The following UFSP2 variants were observed in gnomAD, a reference collection of about 807,000 sequenced individuals.
UFSP2 encodes the protein ufm1-specific protease 2.
UFSP2 carries 43 observed loss-of-function variants against 60.2 expected under a neutral mutation model. The ratio of observed to expected loss-of-function variants is 0.71; its 90% CI spans 0.56 to 0.92. UFSP2 has a LOEUF of 0.92. Ranked by LOEUF, UFSP2 falls within the 40% of genes least tolerant of loss-of-function variation. UFSP2 has a pLI of 0.00. For missense variants in UFSP2, 520 were observed against 575.0 expected, an observed-to-expected ratio of 0.90 and a Z score of 0.98; for synonymous variants, 183 against 195.1, an observed-to-expected ratio of 0.94 and a Z score of 0.52.
intron 11 of UFSP2, among the ~76,000 whole-genome samples, chr4:185,402,518 C>T (rs1380949353): frequency 6.6e-6 from 1 of 152,184 alleles, no homozygotes; most frequent in African/African-American, 2.4e-5. Context: ...TCCTGTTGCC[C>T]AGGCTGGGGT....
At position 185,404,957 on chromosome 4, in the gene UFSP2, T is replaced by C. The variant is rs2095518499; in HGVS notation, c.1198+823A>G. ...TGAGCTACTGGGCCCGGCCTACTCA[T>C]TAAGTTCTTTCTGATATTTTGCTGA... On this transcript the variant is annotated intron_variant, in intron 10 of 11. Transcript: ENST00000264689. Among the ~76,000 whole-genome samples, 4 of 152,146 alleles carry C rather than the reference T, an allele frequency of 2.6e-5. No homozygotes were observed. In the South Asian group the frequency reaches 8.3e-4, roughly 32 times the overall value.
Position 185,399,924 on chromosome 4 carries a change from C to T in UFSP2, c.*468G>A. On this transcript the variant is annotated 3_prime_UTR_variant, in exon 12 of 12. Transcript: ENST00000264689. Reference sequence around the variant, plus strand: ...TAGTACTGGTTATACTTACCAGAGTCTAGAGACCAAAAATGGGACTGCATG... The same window carrying T: ...TAGTACTGGTTATACTTACCAGAGTTTAGAGACCAAAAATGGGACTGCATG... 6.4e-7 allele frequency: 1 copy of T among 1,550,762 alleles called. No homozygotes were observed. Among genetic ancestry groups the T allele is most frequent in the Non-Finnish European group, 8.7e-7 (1 of 1,152,922 alleles).
chr4:185,411,111 A>G (rs1260897676), intron 7 of UFSP2, among the ~76,000 whole-genome samples: 1 of 151,510 alleles, frequency 6.6e-6, no homozygotes, highest in East Asian at 1.9e-4. Context: ...GGGCCAACAA[A>G]GCCAAAAGTT....
Position 185,418,762 on chromosome 4 carries a change from G to A in UFSP2, c.91C>T (p.Leu31Phe), listed in dbSNP as rs1159161618. ...AACACATGTTTCAGTGCCTTCTTGA[G>A]AAAAATTTCTAAATTAAAAGAATAT... The part of the protein sequence containing the change: ...FQLATPNEIF[L>F]KKALKHVLSD... The change falls in exon 3 of 12, where the codon CTC (leucine) becomes TTC (phenylalanine). Residue 31 changes from leucine to phenylalanine, a missense_variant. Leu to Phe is a conservative substitution (Grantham distance 22). Transcript: ENST00000264689. 6.3e-7 allele frequency: 1 copy of A among 1,586,162 alleles called. No homozygotes were observed.
Position 185,399,541 on chromosome 4 carries a change from A to G in UFSP2, c.*851T>C, listed in dbSNP as rs1299908539. 2 of 1,610,984 alleles carry G rather than the reference A, an allele frequency of 1.2e-6. No homozygotes were observed. The highest frequency in any genetic ancestry group is 4.5e-5 in the East Asian group (2 of 44,842). ...AAAAAAGACTTAAGTTCAATGTTTCATTTCACTCCGTTTTTATCCTGTTTT... is the reference window on the plus strand; with the variant it reads ...AAAAAAGACTTAAGTTCAATGTTTCGTTTCACTCCGTTTTTATCCTGTTTT... On this transcript the variant is annotated 3_prime_UTR_variant, in exon 12 of 12. Coordinates refer to ENST00000264689, the MANE Select transcript of UFSP2 (RefSeq NM_018359.5).
At chr4:185,413,186 C>G (rs925511361) in intron 7 of UFSP2, among the ~76,000 whole-genome samples, 1 of 151,416 alleles carries the variant, frequency 6.6e-6, no homozygotes, top group Non-Finnish European at 1.5e-5. Flanking sequence ...GTGCCTGTAA[C>G]CCTAGCTACT....
chr4:185,404,506 C>A (rs372609300), intron 10 of UFSP2, among the ~76,000 whole-genome samples: 1 of 151,958 alleles, frequency 6.6e-6, no homozygotes, highest in South Asian at 2.1e-4. Context: ...TCACTGTTAG[C>A]CAGGATGGTC....
rs2066769300 is a variant in UFSP2, at chr4:185,399,857, A to G, written c.*535T>C. ...ATTTATTATTCCATTTAATACTGACACTCGTATTTCTAGTAGTATTGTTTC... is the reference window on the plus strand; with the variant it reads ...ATTTATTATTCCATTTAATACTGACGCTCGTATTTCTAGTAGTATTGTTTC... On this transcript the variant is annotated 3_prime_UTR_variant, in exon 12 of 12. Transcript: ENST00000264689. 6.4e-7 allele frequency: 1 copy of G among 1,572,564 alleles called. No individual in the cohort carries two copies. The highest frequency in any genetic ancestry group is 8.6e-7 in the Non-Finnish European group (1 of 1,158,724).
chr4:185,405,853 T>C lies in UFSP2; in HGVS notation c.1125A>G (p.Gln375=). 1.2e-6 allele frequency: 2 copies of C among 1,614,090 alleles called. No individual in the cohort carries two copies. The highest frequency in any genetic ancestry group is 1.7e-6 in the Non-Finnish European group (2 of 1,179,982). Residue 375 remains glutamine (Q), a synonymous_variant, in exon 10 of 12, where the codon CAA becomes CAG. Coordinates refer to ENST00000264689, the MANE Select transcript of UFSP2 (RefSeq NM_018359.5). ...GITSKILFVS[Q]GSEIASQGRE... is the part of the protein sequence containing the mutation. ...GTCCTTGAGAGGCAATTTCTGAACC[T>C]TGGCTAGAAAGAAACCATTTTCTAT...
At position 185,400,252 on chromosome 4, in the gene UFSP2, G is replaced by A. The variant is rs1261864485; in HGVS notation, c.*140C>T. ...GGAACGTCTAAAAAATACATTCTCC[G>A]TGCAGTATTTACAACCTTTGAAAAA... On this transcript the variant is annotated 3_prime_UTR_variant, in exon 12 of 12. Coordinates refer to ENST00000264689, the MANE Select transcript of UFSP2 (RefSeq NM_018359.5). 1.3e-5 allele frequency: 10 copies of A among 749,292 alleles called. No individual in the cohort carries two copies. Among genetic ancestry groups the A allele is most frequent in the East Asian group, 8.0e-5 (3 of 37,282 alleles). 46.4% of individuals were successfully genotyped at this position (749,292 alleles called of 1,614,324 possible).
intron 1 of UFSP2, among the ~76,000 whole-genome samples, chr4:185,423,084 C>G (rs1490104373): frequency 6.6e-6 from 1 of 152,200 alleles, no homozygotes; most frequent in Non-Finnish European, 1.5e-5. Flanking sequence ...GTCTTGAACT[C>G]CTGGCCTCAA....
Position 185,403,591 on chromosome 4 carries a change from A to G in UFSP2, c.1226T>C (p.Leu409Pro), listed in dbSNP as rs189886494. 5.6e-5 allele frequency: 91 copies of G among 1,614,030 alleles called. No individual in the cohort carries two copies. The Admixed American group carries it at 1.2e-3, about 21-fold the overall frequency. ...TGTAATCTCATTCCATGCAACTCCT[A>G]GTATTGTGTGGGCCAAAACTCCTCC... is the stretch of plus-strand genomic sequence containing the variant. ...IGGGVLAHTILGVAWNEITGQ... is the reference protein window; with the variant it reads ...IGGGVLAHTIPGVAWNEITGQ... Residue 409 changes from leucine to proline, a missense_variant, in exon 11 of 12, where the codon CTA becomes CCA. Coordinates refer to ENST00000264689, the MANE Select transcript of UFSP2 (RefSeq NM_018359.5).
chr4:185,408,450 G>A lies in UFSP2; in HGVS notation c.832-15C>T. On this transcript the variant is annotated splice_polypyrimidine_tract_variant and intron_variant, in intron 7 of 11. Transcript: ENST00000264689. ...ACCACATAAATCTATATACAGAGAAGAAACACAGTAAAATATTAACTTAGG... is the reference window on the plus strand; with the variant it reads ...ACCACATAAATCTATATACAGAGAAAAAACACAGTAAAATATTAACTTAGG... 6.2e-7 allele frequency: 1 copy of A among 1,608,542 alleles called. No homozygotes were observed. The highest frequency in any genetic ancestry group is 1.3e-5 in the African/African-American group (1 of 74,790).
At chr4:185,414,221 G>A (rs543215045) in intron 6 of UFSP2, among the ~76,000 whole-genome samples, 54 of 152,206 alleles carry the variant, frequency 3.5e-4, no homozygotes, top group Non-Finnish European at 6.0e-4. Context: ...TTGTAAATGA[G>A]TAAATTATAA....
chr4:185,404,235 C>T (rs2095517216), intron 10 of UFSP2, among the ~76,000 whole-genome samples: 1 of 151,478 alleles, frequency 6.6e-6, no homozygotes, highest in Non-Finnish European at 1.5e-5. Flanking sequence ...GTGCCTCTCT[C>T]AGCAGATGGT....
chr4:185,425,792 T>C, intron 1 of UFSP2, 74 bp downstream of exon 1: 1 of 1,567,560 alleles, frequency 6.4e-7, no homozygotes, highest in Non-Finnish European at 8.7e-7. Context: ...TTTCAGGCGC[T>C]GTGAAGCCCG....
rs2095519501 is a variant in UFSP2 at position 185,405,688 on chromosome 4, ATGAC to A, written c.1198+88_1198+91del. On this transcript the variant is annotated intron_variant, in intron 10 of 11. Transcript: ENST00000264689. ...AAAAGTTAATTTCAAAATTTTTTAAATGACTGATTTTATGCAACATTAAATATTT... is the reference window on the plus strand; with the variant it reads ...AAAAGTTAATTTCAAAATTTTTTAAATGATTTTATGCAACATTAAATATTT... 2.8e-6 allele frequency: 4 copies of A among 1,418,880 alleles called. No individual in the cohort carries two copies. In the South Asian group the frequency reaches 5.1e-5, roughly 18 times the overall value. 87.9% of individuals were successfully genotyped at this position (1,418,880 alleles called of 1,614,324 possible). A position where few individuals can be genotyped will look rare whatever the true frequency, so the allele number is the denominator to read the frequency against.
At chr4:185,423,753 T>C (rs912844778) in intron 1 of UFSP2, among the ~76,000 whole-genome samples, 2 of 152,102 alleles carry the variant, frequency 1.3e-5, no homozygotes, top group Non-Finnish European at 2.9e-5. Flanking sequence ...TGTATCATTG[T>C]TTGTGTACAC....
At position 185,400,356 on chromosome 4, in the gene UFSP2, A is replaced by G; in HGVS notation, c.*36T>C. On this transcript the variant is annotated 3_prime_UTR_variant, in exon 12 of 12. Coordinates refer to ENST00000264689, the MANE Select transcript of UFSP2 (RefSeq NM_018359.5). ...CTGATTCTTTATTCACAAATTTATA[A>G]TACCACTCTACTGCAGTCTTTGACT... is the stretch of plus-strand genomic sequence containing the variant. 3.4e-6 allele frequency: 5 copies of G among 1,455,968 alleles called. No individual in the cohort carries two copies. Among genetic ancestry groups the G allele is most frequent in the Non-Finnish European group, 4.8e-6 (5 of 1,051,298 alleles). 90.2% of individuals were successfully genotyped at this position (1,455,968 alleles called of 1,614,324 possible). A position where few individuals can be genotyped will look rare whatever the true frequency, so the allele number is the denominator to read the frequency against.
Sources: gnomAD v4.1 joint callset for allele counts (sites outside exome capture counted in the v4.1 genomes callset) on GRCh38, gnomAD v4.1.1 for gene constraint, MANE v1.5 for transcripts, NCBI Gene and HGNC (gene_info 2026-07-23, HGNC 2026-07-21) for gene names.